Variants in BEND3 observed in about 807,000 individuals in gnomAD.
BEND3 encodes BEN domain-containing protein 3.
BEND3 carries 13 observed loss-of-function variants against 60.1 expected under a neutral mutation model. The observed-to-expected ratio is 0.22, with a 90% CI of 0.14 to 0.34. BEND3 has a LOEUF of 0.34. Ranked by LOEUF, BEND3 falls within the 10% of genes least tolerant of loss-of-function variation. BEND3 has a pLI of 1.00. For missense variants in BEND3, 896 were observed against 1,138.1 expected (o/e 0.79, Z 3.06); for synonymous variants, 497 against 491.5 (o/e 1.01, Z -0.15).
intron 3 of BEND3, among the ~76,000 whole-genome samples, chr6:107,088,007 C>CTTTTT (rs374298071): frequency 3.1e-5 from 4 of 130,324 alleles, no homozygotes; most frequent in African/African-American, 1.2e-4. Context: ...ATGAAGAGCC[C>CTTTTT]TTTTTTTTTT....
Position 107,067,792 on chromosome 6 carries a change from C to A in BEND3, c.*912G>T, listed in dbSNP as rs1409394053. The A allele has an allele frequency of 6.6e-6, 1 of 152,194 alleles. No individual in the cohort carries two copies. The highest frequency in any genetic ancestry group is 6.5e-5 in the Admixed American group (1 of 15,282). The allele number at this position is 152,194 out of a possible 1,614,324, so 9.4% of individuals were successfully genotyped here. A position where few individuals can be genotyped will look rare whatever the true frequency, so the allele number is the denominator to read the frequency against. ...TCATGGTGAGCTCAAAGAGGCCCAC[C>A]CTTAAATCTAACAAGAAGCCAAAAG... On this transcript the variant is annotated 3_prime_UTR_variant, in exon 4 of 4. Transcript: ENST00000369042.
chr6:107,089,586 GAA>G (rs1156709838), intron 3 of BEND3, among the ~76,000 whole-genome samples: 1 of 98,894 alleles, frequency 1.0e-5, no homozygotes, highest in Non-Finnish European at 2.2e-5. Context: ...ACTCTGTCTC[GAA>G]AAAAAAAAAG....
chr6:107,081,897 AGT>A (rs1199247867), intron 3 of BEND3, among the ~76,000 whole-genome samples: 4 of 152,178 alleles, frequency 2.6e-5, no homozygotes, highest in African/African-American at 9.7e-5. Flanking sequence ...GAAAGGGTGA[AGT>A]GTGACATCAT....
rs146932476 is a variant in BEND3 at position 107,110,840 on chromosome 6, C to A, written c.-12+4250G>T. Among the ~76,000 whole-genome samples, 362 of 151,526 alleles carry A rather than the reference C, an allele frequency of 2.4e-3. 1 individual carries two copies. The highest frequency in any genetic ancestry group is 8.5e-3 in the African/African-American group (353 of 41,396). Reference sequence around the variant, plus strand: ...AAAATGCTGGGACTACAGGTGTGAGCCACTGCACCCAGTCATTTAAGTTTC... The same window carrying A: ...AAAATGCTGGGACTACAGGTGTGAGACACTGCACCCAGTCATTTAAGTTTC... On this transcript the variant is annotated intron_variant, in intron 1 of 3. Transcript: ENST00000369042.
intron 3 of BEND3, among the ~76,000 whole-genome samples, chr6:107,080,999 T>C (rs1554233469): frequency 6.6e-6 from 1 of 152,198 alleles, no homozygotes; most frequent in Admixed American, 6.5e-5. Flanking sequence ...TCTCAGTCTG[T>C]TGCCCAAGCT....
chr6:107,111,930 C>T lies in BEND3; in HGVS notation c.-12+3160G>A, dbSNP rs181551445. Among the ~76,000 whole-genome samples the T allele has an allele frequency of 6.2e-3, 916 of 148,518 alleles. 13 individuals are homozygous for T. Among genetic ancestry groups the T allele is most frequent in the African/African-American group, 0.021 (854 of 39,772 alleles). On this transcript the variant is annotated intron_variant, in intron 1 of 3. Transcript: ENST00000369042. ...CCAGGAGATGGATGTTGCAGTGGGC[C>T]GAGATCGCGCCACTGCACTCCAGCC...
intron 3 of BEND3, among the ~76,000 whole-genome samples, chr6:107,074,702 T>C (rs1432877305): frequency 6.6e-6 from 1 of 152,112 alleles, no homozygotes; most frequent in Non-Finnish European, 1.5e-5. Context: ...AAAGAAAACA[T>C]ATACACACAC....
chr6:107,086,312 G>C (rs1361146380), intron 3 of BEND3, among the ~76,000 whole-genome samples: 1 of 152,084 alleles, frequency 6.6e-6, no homozygotes, highest in Non-Finnish European at 1.5e-5. Flanking sequence ...TTACAGTCCA[G>C]AGATCCAGGG....
chr6:107,081,772 C>T (rs1554233584), intron 3 of BEND3, among the ~76,000 whole-genome samples: 2 of 151,034 alleles, frequency 1.3e-5, no homozygotes. Context: ...GAGTGAGACC[C>T]TGTCTCAAAA....
chr6:107,098,380 A>G (rs993201676), intron 3 of BEND3, among the ~76,000 whole-genome samples, 171 bp downstream of exon 3: 1 of 152,218 alleles, frequency 6.6e-6, no homozygotes, highest in Admixed American at 6.5e-5. Flanking sequence ...AATTCCAGTT[A>G]AAGACAGACA....
chr6:107,080,959 C>T (rs1775218995), intron 3 of BEND3, among the ~76,000 whole-genome samples: 1 of 152,104 alleles, frequency 6.6e-6, no homozygotes, highest in African/African-American at 2.4e-5. Context: ...TCAGCTTATA[C>T]AAATTTATTT....
chr6:107,103,569 C>T (rs1286547011), intron 1 of BEND3, among the ~76,000 whole-genome samples: 3 of 152,198 alleles, frequency 2.0e-5, no homozygotes, highest in Non-Finnish European at 4.4e-5. Context: ...TCAACACATC[C>T]ACACGTTCCC....
intron 1 of BEND3, among the ~76,000 whole-genome samples, chr6:107,106,324 A>T (rs572056384): frequency 6.6e-6 from 1 of 152,230 alleles, no homozygotes; most frequent in South Asian, 2.1e-4. Context: ...TGCAGCTGAG[A>T]CCAGGGAGTA....
intron 1 of BEND3, among the ~76,000 whole-genome samples, chr6:107,113,389 G>A (rs1162512059): frequency 7.7e-6 from 1 of 129,678 alleles, no homozygotes; most frequent in Non-Finnish European, 1.5e-5. Flanking sequence ...AGTGAGCAGA[G>A]ATCAAGCCAC....
Position 107,067,311 on chromosome 6 carries a change from T to A in BEND3, c.*1393A>T, listed in dbSNP as rs1328107408. On this transcript the variant is annotated 3_prime_UTR_variant, in exon 4 of 4. Coordinates refer to ENST00000369042, the MANE Select transcript of BEND3 (RefSeq NM_001367314.1). ...ACTCTGGTATGACACACTGTTTGCA[T>A]TCGACTGTTTCCTTTCCCTCTTAAG... The A allele has an allele frequency of 1.3e-5, 2 of 152,224 alleles. No homozygotes were observed. The highest frequency in any genetic ancestry group is 4.8e-5 in the African/African-American group (2 of 41,466). 9.4% of individuals were successfully genotyped at this position (152,224 alleles called of 1,614,324 possible).
chr6:107,089,054 G>A (rs1436303724), intron 3 of BEND3, among the ~76,000 whole-genome samples: 1 of 151,862 alleles, frequency 6.6e-6, no homozygotes, highest in Non-Finnish European at 1.5e-5. Flanking sequence ...GCTGAGGCAG[G>A]AGAATCACTT....
In BEND3 at chr6:107,069,172, A is replaced by G. The variant is rs1774900616; in HGVS notation, c.2019T>C (p.Tyr673=). The G allele has an allele frequency of 3.7e-6, 6 of 1,612,536 alleles. No individual in the cohort carries two copies. Among genetic ancestry groups the G allele is most frequent in the East Asian group, 4.5e-5 (2 of 44,878 alleles). Residue 673 remains tyrosine, a synonymous_variant, in exon 4 of 4, where the codon TAT becomes TAC. Transcript: ENST00000369042. ...PGPECRDLTS[Y]AINPERFREE... The stretch of plus-strand genomic sequence containing the variant: ...CCCGGAACCTCTCGGGGTTGATTGC[A>G]TAGCTGGTCAAGTCTCTGCACTCAG...
At position 107,073,201 on chromosome 6, in the gene BEND3, GTATATATATATATATATA is replaced by G. The variant is rs782669876; in HGVS notation, c.241-2269_241-2252del. Reference sequence around the variant, plus strand: ...CTTCCTTCAGGGTTTGTATGTGTATGTATATATATATATATATATATATATATATATATATATATATAT... The same window carrying G: ...CTTCCTTCAGGGTTTGTATGTGTATGTATATATATATATATATATATATAT... On this transcript the variant is annotated intron_variant, in intron 3 of 3. Transcript: ENST00000369042. Among the ~76,000 whole-genome samples, 121 of 22,610 alleles carry G rather than the reference GTATATATATATATATATA, an allele frequency of 5.4e-3. 1 individual carries two copies. Among genetic ancestry groups the G allele is most frequent in the East Asian group, 0.021 (24 of 1,122 alleles). 14.8% of individuals were successfully genotyped at this position (22,610 alleles called of 152,430 possible).
At position 107,098,494 on chromosome 6, in the gene BEND3, C is replaced by T. The variant is rs782190100; in HGVS notation, c.240+57G>A. 5.1e-6 allele frequency: 8 copies of T among 1,561,642 alleles called. No individual in the cohort carries two copies. In the African/African-American group the frequency reaches 9.5e-5, roughly 18 times the overall value. On this transcript the variant is annotated intron_variant, in intron 3 of 3. Coordinates refer to ENST00000369042, the MANE Select transcript of BEND3 (RefSeq NM_001367314.1). Reference sequence around the variant, plus strand: ...TGCCCAAAACAAGAGGGAGATTCAGCATGGAATCAGAGAGGGTTAGAGCCC... The same window carrying T: ...TGCCCAAAACAAGAGGGAGATTCAGTATGGAATCAGAGAGGGTTAGAGCCC...
Sources: gnomAD v4.1 joint callset for allele counts (sites outside exome capture counted in the v4.1 genomes callset) on GRCh38, gnomAD v4.1.1 for gene constraint, MANE v1.5 for transcripts, NCBI Gene and HGNC (gene_info 2026-07-23, HGNC 2026-07-21) for gene names.